The following PKNOX1 variants were observed in gnomAD, a reference collection of about 807,000 sequenced individuals.
The protein encoded by PKNOX1 is PBX/knotted 1 homeobox 1.
Under a neutral mutation model 51.9 loss-of-function variants are expected in PKNOX1, and 15 were observed. The ratio of observed to expected loss-of-function variants is 0.29; its 90% CI spans 0.19 to 0.45. PKNOX1 has a LOEUF of 0.45. Among genes scored for constraint, PKNOX1 ranks in the 20% least tolerant of loss-of-function variants. The pLI, the probability that PKNOX1 is intolerant of heterozygous loss-of-function variation, is 1.00. For synonymous variants in PKNOX1, 219 were observed against 211.1 expected, an observed-to-expected ratio of 1.04 and a Z score of -0.32; for missense variants, 462 against 547.5, an observed-to-expected ratio of 0.84 and a Z score of 1.56.
In PKNOX1 at chr21:43,032,082, A is replaced by T; in HGVS notation, c.*1981A>T. On this transcript the variant is annotated 3_prime_UTR_variant, in exon 11 of 11. Transcript: ENST00000291547. ...TCCATGTTGGTCGGGCTGGTCTCGA[A>T]CTCCCGACCTCAGGTGATCTGCCTG... is the stretch of plus-strand genomic sequence containing the variant. 1 of 438,404 alleles carries T rather than the reference A, an allele frequency of 2.3e-6. No individual in the cohort carries two copies. Among genetic ancestry groups the T allele is most frequent in the Non-Finnish European group, 4.6e-6 (1 of 217,560 alleles). The allele number at this position is 438,404 out of a possible 1,614,324, so 27.2% of individuals were successfully genotyped here.
At chr21:43,028,448 A>AC (rs1253931896) in intron 9 of PKNOX1, among the ~76,000 whole-genome samples, 1 of 30,044 alleles carries the variant, frequency 3.3e-5, no homozygotes, top group African/African-American at 1.6e-4. Context: ...AGGAGTTGAG[A>AC]CAAAAAAAAA....
At chr21:42,982,459 G>A (rs562830307) in intron 1 of PKNOX1, among the ~76,000 whole-genome samples, 1 of 152,336 alleles carries the variant, frequency 6.6e-6, no homozygotes, top group African/African-American at 2.4e-5. Flanking sequence ...GCCGGGTGCA[G>A]TGGTTCACGC....
chr21:42,975,965 A>G (rs2058994998), intron 1 of PKNOX1, among the ~76,000 whole-genome samples: 1 of 152,230 alleles, frequency 6.6e-6, no homozygotes, highest in Non-Finnish European at 1.5e-5. Flanking sequence ...AACCTCTGCC[A>G]GTATAGTTAT....
chr21:43,022,756 C>G (rs1446927171), intron 8 of PKNOX1, among the ~76,000 whole-genome samples: 1 of 152,036 alleles, frequency 6.6e-6, no homozygotes. Flanking sequence ...AGCAGGTCGG[C>G]ATGTAGATGG....
intron 1 of PKNOX1, among the ~76,000 whole-genome samples, chr21:42,992,749 G>C (rs553348510): frequency 3.7e-4 from 55 of 150,048 alleles, no homozygotes; most frequent in Non-Finnish European, 6.7e-4. Flanking sequence ...AGCACTGGGG[G>C]GTTCCCTCAT....
chr21:42,994,565 GAC>G (rs1225134540), intron 1 of PKNOX1, among the ~76,000 whole-genome samples: 1 of 151,512 alleles, frequency 6.6e-6, no homozygotes, highest in Non-Finnish European at 1.5e-5. Context: ...CATTTTGAAA[GAC>G]AATCTGAGAG....
rs1979745893 is a variant in PKNOX1, at chr21:43,021,369, A to C, written c.787A>C (p.Arg263=). 6.2e-7 allele frequency: 1 copy of C among 1,613,476 alleles called. No homozygotes were observed. The highest frequency in any genetic ancestry group is 1.7e-5 in the Admixed American group (1 of 59,986). Reference sequence around the variant, plus strand: ...AGATGATGGTTCATCTAAGAACAAGAGGGGCGTCCTGCCAAAGCATGCCAC... The same window carrying C: ...AGATGATGGTTCATCTAAGAACAAGCGGGGCGTCCTGCCAAAGCATGCCAC... The part of the protein sequence containing the change: ...HQDDGSSKNK[R]GVLPKHATNV... Residue 263 remains arginine (R), a synonymous_variant, in exon 8 of 11, where the codon AGG becomes CGG. Coordinates refer to ENST00000291547, the MANE Select transcript of PKNOX1 (RefSeq NM_004571.5). The surrounding 1 kb of genome is among the most constrained non-coding windows in gnomAD (Gnocchi z 4.6).
intron 1 of PKNOX1, among the ~76,000 whole-genome samples, chr21:42,977,142 G>T (rs536475871): frequency 6.6e-6 from 1 of 152,180 alleles, no homozygotes; most frequent in Non-Finnish European, 1.5e-5. Flanking sequence ...ATTCAGTAAT[G>T]TGTTATTCCA....
intron 3 of PKNOX1, among the ~76,000 whole-genome samples, chr21:43,009,350 C>T (rs1311054617): frequency 6.6e-6 from 1 of 152,028 alleles, no homozygotes; most frequent in African/African-American, 2.4e-5. Context: ...GAGGCTGAGG[C>T]AGGAGAATCG....
intron 7 of PKNOX1, among the ~76,000 whole-genome samples, chr21:43,019,960 T>C (rs994405879): frequency 2.1e-5 from 3 of 145,000 alleles, no homozygotes; most frequent in Non-Finnish European, 4.5e-5. Context: ...TAAGAGACGG[T>C]CTCGCTCTGT....
At chr21:43,024,989 A>G in intron 9 of PKNOX1, 42 bp downstream of exon 9, 4 of 1,265,872 alleles carry the variant, frequency 3.2e-6, no homozygotes, top group Non-Finnish European at 4.6e-6. Flanking sequence ...TCAGCACGGT[A>G]GAGCACTTGG....
intron 1 of PKNOX1, among the ~76,000 whole-genome samples, chr21:42,984,421 T>G (rs1362365062): frequency 6.6e-6 from 1 of 152,052 alleles, no homozygotes; most frequent in Admixed American, 6.6e-5. Context: ...AGAGTTTTGC[T>G]CTTGTTGCTC....
In PKNOX1 at chr21:43,007,447, G is replaced by A. The variant is rs147320727; in HGVS notation, c.52-44G>A. 1.0e-3 allele frequency: 1,603 copies of A among 1,597,432 alleles called. 15 individuals are homozygous for A. In the African/African-American group the frequency reaches 0.018, roughly 18 times the overall value. On this transcript the variant is annotated intron_variant, in intron 2 of 10. Coordinates refer to ENST00000291547, the MANE Select transcript of PKNOX1 (RefSeq NM_004571.5). ...CTGTTGGAGCATGGAATACCTCGTA[G>A]TAGTTTGTGTTTGCTAATAAGAATT...
chr21:43,014,176 C>G (rs546128338), intron 5 of PKNOX1, among the ~76,000 whole-genome samples: 1 of 152,014 alleles, frequency 6.6e-6, no homozygotes, highest in African/African-American at 2.4e-5. Context: ...TGCCTGCCAC[C>G]ACACCCGGCT....
chr21:43,013,390 G>T, intron 5 of PKNOX1, 152 bp downstream of exon 5: 1 of 487,130 alleles, frequency 2.1e-6, no homozygotes. Flanking sequence ...AGCCTGGTTT[G>T]GGAATGAACT....
rs1601306553 is a variant in PKNOX1, at chr21:43,028,866, T to C, written c.1091T>C (p.Met364Thr). The change falls in exon 10 of 11, where the codon ATG (methionine) becomes ACG (threonine). Residue 364 changes from methionine to threonine, a missense_variant. This residue lies in a region of PKNOX1 where 118 missense variants were observed against 116.8 expected (regional missense o/e 1.01). Transcript: ENST00000291547. ...CAGCCACCGCCGAGCGAGCTCACCA[T>C]GTCGGAAGGTACAGGTGGCCGGCCA... is the stretch of plus-strand genomic sequence containing the variant. ...VAQPPPSELTMSEGAVVTITT... is the reference protein window; with the variant it reads ...VAQPPPSELTTSEGAVVTITT... The C allele has an allele frequency of 2.5e-6, 4 of 1,614,122 alleles. No individual in the cohort carries two copies. Among genetic ancestry groups the C allele is most frequent in the East Asian group, 4.5e-5 (2 of 44,878 alleles).
At chr21:43,008,061 T>TCTCACACACACACACACACA (rs59792199) in intron 3 of PKNOX1, among the ~76,000 whole-genome samples, 28 of 146,882 alleles carry the variant, frequency 1.9e-4, no homozygotes, top group African/African-American at 2.9e-4. Flanking sequence ...CAAAACTCTG[T>TCTCACACACACACACACACA]CACACACACA....
At chr21:43,017,032 A>G (rs3737434) in intron 6 of PKNOX1, 25 bp downstream of exon 6, 507,766 of 1,502,332 alleles carry the variant, frequency 0.34, 87,761 homozygotes, top group East Asian at 0.48. Flanking sequence ...AAATGGACAC[A>G]CTCTCCATGA....
intron 1 of PKNOX1, among the ~76,000 whole-genome samples, chr21:42,999,669 C>T (rs1050480620): frequency 6.6e-5 from 10 of 151,882 alleles, no homozygotes; most frequent in African/African-American, 1.9e-4. Context: ...TTAGTAGAGA[C>T]GGGGTTTCTC....
Sources: allele counts gnomAD v4.1 joint callset (sites outside exome capture counted in the v4.1 genomes callset), GRCh38; gene constraint gnomAD v4.1.1; regional missense constraint gnomAD v4.1.1; non-coding constraint Gnocchi (gnomAD v3.1); transcripts MANE v1.5; gene names NCBI Gene and HGNC (gene_info 2026-07-23, HGNC 2026-07-21).